Variants in DPP6 observed in about 807,000 individuals in gnomAD.
DPP6 encodes dipeptidyl peptidase like 6.
A neutral mutation model predicts 122.6 loss-of-function variants in DPP6; 69 were observed. The observed-to-expected ratio is 0.56, with a 90% confidence interval of 0.46 to 0.69. DPP6 has a LOEUF of 0.69. Among genes scored for constraint, DPP6 ranks in the 30% least tolerant of loss-of-function variants. The probability of loss-of-function intolerance (pLI) is 0.00; values close to 1 mark genes in which losing one functional copy is unlikely to be tolerated. For synonymous variants in DPP6, 418 were observed against 433.1 expected (o/e 0.97, Z 0.43); for missense variants, 928 against 1,116.9 (o/e 0.83, Z 2.41).
intron 1 of DPP6, among the ~76,000 whole-genome samples, chr7:154,013,427 G>A (rs1454596523): frequency 2.0e-5 from 3 of 147,400 alleles, no homozygotes; most frequent in Admixed American, 6.7e-5. Flanking sequence ...AGTCCAGTGT[G>A]TATTCCTCAG....
chr7:154,317,888 TTG>T (rs1198368344), intron 1 of DPP6, among the ~76,000 whole-genome samples: 2 of 152,212 alleles, frequency 1.3e-5, no homozygotes, highest in African/African-American at 4.8e-5. Flanking sequence ...AAGATCAAGA[TTG>T]CTGTGAGTGG....
Position 154,886,888 on chromosome 7 carries a change from A to T in DPP6, c.2246-788A>T, listed in dbSNP as rs920456621. Among the ~76,000 whole-genome samples, 23 of 152,346 alleles carry T rather than the reference A, an allele frequency of 1.5e-4. 1 individual carries two copies. Among genetic ancestry groups the T allele is most frequent in the African/African-American group, 5.3e-4 (22 of 41,574 alleles). On this transcript the variant is annotated intron_variant, in intron 22 of 25. Transcript: ENST00000377770. ...TCACAGCGGGCTCACTCCAGTGCAA[A>T]TTTTAACTCGTACAGGAACTCTCCT...
At chr7:154,527,115 G>T (rs1035427022) in intron 3 of DPP6, among the ~76,000 whole-genome samples, 2 of 152,186 alleles carry the variant, frequency 1.3e-5, no homozygotes, top group East Asian at 1.9e-4. Context: ...AAAGTAGAAA[G>T]AATAGTAAAT....
chr7:154,820,607 G>A (rs1036999109), intron 16 of DPP6, among the ~76,000 whole-genome samples: 1 of 152,146 alleles, frequency 6.6e-6, no homozygotes, highest in Non-Finnish European at 1.5e-5. Flanking sequence ...ACCAGAAAGT[G>A]CCCTAGAAAA....
intron 1 of DPP6, among the ~76,000 whole-genome samples, chr7:153,967,662 A>T (rs1795823757): frequency 6.6e-6 from 1 of 152,012 alleles, no homozygotes; most frequent in African/African-American, 2.4e-5. Context: ...TCCTTTTGCG[A>T]GCTTGAGAGC....
At chr7:153,878,004 A>G in the DPP6 span, among the ~76,000 whole-genome samples, 5 of 152,330 alleles carry the variant, frequency 3.3e-5, no homozygotes, top group East Asian at 7.7e-4. Flanking sequence ...ACTAAGAAAC[A>G]TATAAAAGCT....
chr7:154,194,907 G>T (rs181087225), intron 1 of DPP6, among the ~76,000 whole-genome samples: 1 of 152,086 alleles, frequency 6.6e-6, no homozygotes, highest in African/African-American at 2.4e-5. Flanking sequence ...CAAATATATC[G>T]TTGGCAAATA....
chr7:153,924,867 T>C (rs538422810), intron 1 of DPP6, among the ~76,000 whole-genome samples: 2 of 152,264 alleles, frequency 1.3e-5, no homozygotes, highest in Non-Finnish European at 2.9e-5. Context: ...CATGGAGAAG[T>C]CAGAGTCCTG....
At chr7:154,454,823 T>G (rs542720630) in intron 2 of DPP6, among the ~76,000 whole-genome samples, 36 of 152,336 alleles carry the variant, frequency 2.4e-4, no homozygotes, top group African/African-American at 8.4e-4. Flanking sequence ...GTTGTATTAA[T>G]ATAACGTTTG....
intron 5 of DPP6, among the ~76,000 whole-genome samples, chr7:154,583,294 T>C (rs999246446): frequency 2.6e-5 from 4 of 152,180 alleles, no homozygotes; most frequent in African/African-American, 9.7e-5. Flanking sequence ...TCACCTCTTG[T>C]GTAATTTTGG....
intron 16 of DPP6, among the ~76,000 whole-genome samples, chr7:154,817,027 C>T (rs1799465019): frequency 6.6e-6 from 1 of 152,198 alleles, no homozygotes; most frequent in South Asian, 2.1e-4. Flanking sequence ...CCTTTCCCCT[C>T]CATGCCTTCA....
intron 2 of DPP6, among the ~76,000 whole-genome samples, chr7:154,472,804 G>A (rs1822396003): frequency 6.6e-6 from 1 of 152,142 alleles, no homozygotes; most frequent in Non-Finnish European, 1.5e-5. Flanking sequence ...GTCATGTCCT[G>A]GCTTGAATGG....
Position 154,766,985 on chromosome 7 carries a change from G to T in DPP6, c.884-2432G>T, listed in dbSNP as rs570537475. ...TGGCCTGATGTTGCACGTGGCCGAT[G>T]ATTTATCATCCCTCTGGTCTCAGAA... On this transcript the variant is annotated intron_variant, in intron 8 of 25. Coordinates refer to ENST00000377770, the MANE Select transcript of DPP6 (RefSeq NM_130797.4). 2.2e-4 allele frequency among the ~76,000 whole-genome samples: 34 copies of T among 152,332 alleles called. No homozygotes were observed. The South Asian group carries it at 7.0e-3, about 32-fold the overall frequency.
intron 4 of DPP6, among the ~76,000 whole-genome samples, chr7:154,547,826 C>T (rs977678581): frequency 2.0e-5 from 3 of 151,980 alleles, no homozygotes; most frequent in Admixed American, 6.6e-5. Flanking sequence ...TCTGTTTCTA[C>T]TTCTCTTACT....
intron 7 of DPP6, among the ~76,000 whole-genome samples, chr7:154,690,786 A>T (rs895875579): frequency 6.6e-6 from 1 of 151,888 alleles, no homozygotes; most frequent in African/African-American, 2.4e-5. Flanking sequence ...GACACAAAAA[A>T]CCCTGGCTTT....
chr7:154,551,387 CAGAT>C (rs1410640862), intron 4 of DPP6, among the ~76,000 whole-genome samples: 16 of 152,128 alleles, frequency 1.1e-4, no homozygotes, highest in Non-Finnish European at 7.3e-5. Flanking sequence ...GTGCTAGACA[CAGAT>C]AGATGATTGC....
chr7:154,078,868 A>G (rs1212765921), intron 1 of DPP6, among the ~76,000 whole-genome samples: 2 of 151,518 alleles, frequency 1.3e-5, no homozygotes, highest in East Asian at 1.9e-4. Flanking sequence ...TCCTTCCAAA[A>G]TGATTGTAGA....
At chr7:154,085,746 G>C (rs192566354) in intron 1 of DPP6, among the ~76,000 whole-genome samples, 1 of 152,092 alleles carries the variant, frequency 6.6e-6, no homozygotes, top group Non-Finnish European at 1.5e-5. Context: ...TTTATTTTTT[G>C]AGATGGAGTC....
At chr7:154,128,272 AAAAC>A (rs1585435571) in intron 1 of DPP6, among the ~76,000 whole-genome samples, 1 of 152,008 alleles carries the variant, frequency 6.6e-6, no homozygotes, top group South Asian at 2.1e-4. Context: ...CATTAAATCT[AAAAC>A]AAAATTTTTT....
Sources: gnomAD v4.1 joint callset for allele counts (sites outside exome capture counted in the v4.1 genomes callset) on GRCh38, gnomAD v4.1.1 for gene constraint, MANE v1.5 for transcripts, NCBI Gene and HGNC (gene_info 2026-07-23, HGNC 2026-07-21) for gene names.